SLC22A15: variants seen among roughly 807,000 people sequenced by gnomAD.
The protein encoded by SLC22A15 is flipt 1.
A neutral mutation model predicts 62.7 loss-of-function variants in SLC22A15; 45 were observed. The observed-to-expected ratio is 0.72, with a 90% CI of 0.56 to 0.92. The LOEUF is 0.92. Ranked by LOEUF, SLC22A15 falls within the 40% of genes least tolerant of loss-of-function variation. SLC22A15 has a pLI of 0.00. For missense variants in SLC22A15, 622 were observed against 665.6 expected, an observed-to-expected ratio of 0.93 and a Z score of 0.72; for synonymous variants, 264 against 267.0, an observed-to-expected ratio of 0.99 and a Z score of 0.11.
At chr1:116,024,987 G>A (rs955138777) in intron 4 of SLC22A15, among the ~76,000 whole-genome samples, 4 of 152,052 alleles carry the variant, frequency 2.6e-5, no homozygotes, top group African/African-American at 9.7e-5. Flanking sequence ...TCAACAGGAG[G>A]CTTTCAGATG....
At chr1:115,983,799 C>G (rs543515684) in intron 1 of SLC22A15, among the ~76,000 whole-genome samples, 1 of 152,278 alleles carries the variant, frequency 6.6e-6, no homozygotes, top group African/African-American at 2.4e-5. Flanking sequence ...CGTGACTGTG[C>G]CACGCCAATG....
Position 116,062,830 on chromosome 1 carries a change from G to T in SLC22A15, c.1240G>T (p.Ala414Ser), listed in dbSNP as rs1570777242. 1 of 1,613,886 alleles carries T rather than the reference G, an allele frequency of 6.2e-7. No homozygotes were observed. The highest frequency in any genetic ancestry group is 2.2e-5 in the East Asian group (1 of 44,874). The change falls in exon 9 of 12, where the codon GCC (alanine) becomes TCC (serine). Residue 414 changes from alanine (A) to serine (S), a missense_variant. Physicochemically the swap from Ala to Ser is moderately conservative, Grantham distance 99 (BLOSUM62 1). Coordinates refer to ENST00000369503, the MANE Select transcript of SLC22A15 (RefSeq NM_018420.3). ...GCTGGGGAAGCTGACCATCAGTGCTGCCTTTAACATTGTTTATATCTACAC... is the reference window on the plus strand; with the variant it reads ...GCTGGGGAAGCTGACCATCAGTGCTTCCTTTAACATTGTTTATATCTACAC... Reference protein sequence around the residue: ...SLLGKLTISAAFNIVYIYTSE... With the variant: ...SLLGKLTISASFNIVYIYTSE...
chr1:115,978,150 C>T (rs1377925623), intron 1 of SLC22A15, among the ~76,000 whole-genome samples: 2 of 152,120 alleles, frequency 1.3e-5, no homozygotes, highest in African/African-American at 4.8e-5. Flanking sequence ...TCTGTTCCAG[C>T]CATGAATTCC....
chr1:116,042,292 A>G (rs536227324), intron 8 of SLC22A15, among the ~76,000 whole-genome samples: 1 of 151,992 alleles, frequency 6.6e-6, no homozygotes, highest in Non-Finnish European at 1.5e-5. Flanking sequence ...GAATACAAGC[A>G]GAATACAAGC....
intron 2 of SLC22A15, among the ~76,000 whole-genome samples, chr1:115,999,491 A>G (rs1292215425): frequency 1.4e-5 from 2 of 141,230 alleles, no homozygotes. Context: ...GGGTGCATAT[A>G]TATTTTTGTT....
At chr1:116,066,897 CTATTTCTTGGGGGA>C in intron 11 of SLC22A15, 108 bp from the exon 12 acceptor site, 1 of 948,790 alleles carries the variant, frequency 1.1e-6, no homozygotes, top group Non-Finnish European at 1.6e-6. Context: ...ATTTTAGGGG[CTATTTCTTGGGGGA>C]ATGAATGTCA....
At chr1:116,056,122 G>T (rs2101550269) in intron 8 of SLC22A15, among the ~76,000 whole-genome samples, 1 of 151,554 alleles carries the variant, frequency 6.6e-6, no homozygotes, top group South Asian at 2.1e-4. Flanking sequence ...AATTGTCCCT[G>T]TTTGCAGATG....
At chr1:116,026,257 CAA>C (rs57477952) in intron 4 of SLC22A15, among the ~76,000 whole-genome samples, 1 of 141,274 alleles carries the variant, frequency 7.1e-6, no homozygotes, top group African/African-American at 2.6e-5. Context: ...AATAAAAATA[CAA>C]AAAAAAAAAA....
chr1:116,015,275 C>T (rs1294663932), intron 2 of SLC22A15: 2 of 152,172 alleles, frequency 1.3e-5, no homozygotes, highest in African/African-American at 2.4e-5. Context: ...TTTGAAAAAT[C>T]TGTCTTTCCA....
chr1:116,026,459 A>G (rs11801811), intron 4 of SLC22A15, among the ~76,000 whole-genome samples: 14,149 of 151,908 alleles, frequency 0.093, 793 homozygotes, highest in African/African-American at 0.15. Flanking sequence ...AGAAAAGAAA[A>G]GAAAGAAACT....
chr1:116,067,333 A>C lies in SLC22A15; in HGVS notation c.*225A>C. On this transcript the variant is annotated 3_prime_UTR_variant, in exon 12 of 12. Transcript: ENST00000369503. ...GAGAATAGTTGTTAATTTGTTTAGAATTTAAGTTCTACTCAGAATCATAAC... is the reference window on the plus strand; with the variant it reads ...GAGAATAGTTGTTAATTTGTTTAGACTTTAAGTTCTACTCAGAATCATAAC... 2.0e-6 allele frequency: 1 copy of C among 502,554 alleles called. No homozygotes were observed. The highest frequency in any genetic ancestry group is 3.5e-6 in the Non-Finnish European group (1 of 282,740). 31.1% of individuals were successfully genotyped at this position (502,554 alleles called of 1,614,324 possible). A position where few individuals can be genotyped will look rare whatever the true frequency, so the allele number is the denominator to read the frequency against.
intron 10 of SLC22A15, among the ~76,000 whole-genome samples, chr1:116,065,221 T>C (rs1486426280): frequency 6.6e-6 from 1 of 152,164 alleles, no homozygotes; most frequent in Non-Finnish European, 1.5e-5. Flanking sequence ...GTGGACCTGT[T>C]CTGTAGACAA....
chr1:116,062,616 A>T (rs376817209), intron 8 of SLC22A15, 146 bp from the exon 9 acceptor site: 4 of 887,642 alleles, frequency 4.5e-6, no homozygotes, highest in African/African-American at 3.3e-5. Flanking sequence ...GTGATTACTA[A>T]ACCTTCTGAA....
At chr1:115,986,746 A>G (rs1654882891) in intron 1 of SLC22A15, among the ~76,000 whole-genome samples, 1 of 152,236 alleles carries the variant, frequency 6.6e-6, no homozygotes, top group South Asian at 2.1e-4. Flanking sequence ...AAGCACTAAT[A>G]TATGCTATTT....
intron 1 of SLC22A15, among the ~76,000 whole-genome samples, chr1:115,986,100 C>G (rs1316827596): frequency 6.6e-6 from 1 of 151,998 alleles, no homozygotes; most frequent in Admixed American, 6.6e-5. Flanking sequence ...GCCTTGGCTC[C>G]CTAAAATGCT....
intron 5 of SLC22A15, among the ~76,000 whole-genome samples, chr1:116,029,019 C>G (rs1407149910): frequency 1.3e-5 from 2 of 152,170 alleles, no homozygotes; most frequent in Non-Finnish European, 2.9e-5. Flanking sequence ...GCCATGTTCT[C>G]TCTTTCTAAA....
intron 2 of SLC22A15, among the ~76,000 whole-genome samples, chr1:116,001,646 A>G (rs1184784769): frequency 6.6e-6 from 1 of 151,846 alleles, no homozygotes; most frequent in Non-Finnish European, 1.5e-5. Context: ...TCATTTTGTC[A>G]GTCAAATTTT....
At position 116,066,522 on chromosome 1, in the gene SLC22A15, A is replaced by G. The variant is rs772709863; in HGVS notation, c.1368A>G (p.Lys456=). The G allele has an allele frequency of 1.9e-6, 3 of 1,592,110 alleles. No individual in the cohort carries two copies. Among genetic ancestry groups the G allele is most frequent in the Non-Finnish European group, 2.6e-6 (3 of 1,168,118 alleles). The part of the protein sequence containing the change: ...GIIAPFIPSL[K]YVQWSLPFIV... ...CATTCCACTCCCCGCCTCTGCAGAA[A>G]TATGTGCAATGGTCTTTACCATTCA... Residue 456 remains lysine, a splice_region_variant and synonymous_variant, in exon 11 of 12, where the codon AAA becomes AAG. Transcript: ENST00000369503.
At chr1:115,997,205 T>C (rs1166024808) in intron 2 of SLC22A15, among the ~76,000 whole-genome samples, 1 of 152,184 alleles carries the variant, frequency 6.6e-6, no homozygotes, top group Non-Finnish European at 1.5e-5. Context: ...TGTAGCATAA[T>C]TTGAAGTCAA....
Sources: allele counts gnomAD v4.1 joint callset (sites outside exome capture counted in the v4.1 genomes callset), GRCh38; gene constraint gnomAD v4.1.1; transcripts MANE v1.5; gene names NCBI Gene and HGNC (gene_info 2026-07-23, HGNC 2026-07-21).